Variants in FMN1 observed in about 807,000 individuals in gnomAD.
The protein encoded by FMN1 is formin-1.
FMN1 carries 110 observed loss-of-function variants against 132.4 expected under a neutral mutation model. The ratio of observed to expected loss-of-function variants is 0.83; its 90% confidence interval spans 0.71 to 0.97. The LOEUF (loss-of-function observed/expected upper bound fraction) is 0.97, where lower values mean the gene tolerates loss of function less well. Ranked by LOEUF, FMN1 falls within the 50% of genes least tolerant of loss-of-function variation. FMN1 has a pLI of 0.00. For missense variants in FMN1, 1,792 were observed against 1,705.3 expected (o/e 1.05, Z -0.90); for synonymous variants, 722 against 651.7 (o/e 1.11, Z -1.64).
chr15:33,043,318 C>T (rs1480056151), intron 6 of FMN1, among the ~76,000 whole-genome samples: 3 of 152,206 alleles, frequency 2.0e-5, no homozygotes, highest in Non-Finnish European at 4.4e-5. Context: ...GACTGTAGCC[C>T]ACACCTGTGC....
intron 12 of FMN1, among the ~76,000 whole-genome samples, chr15:32,906,481 T>C (rs78898133): frequency 0.012 from 1,848 of 152,326 alleles, 38 homozygotes; most frequent in African/African-American, 0.043. Flanking sequence ...ACTTGAATAT[T>C]TGTAACATCC....
chr15:33,070,592 C>G (rs555308357), intron 5 of FMN1, among the ~76,000 whole-genome samples: 2 of 152,188 alleles, frequency 1.3e-5, no homozygotes, highest in South Asian at 4.1e-4. Context: ...GATGCCAACA[C>G]AATTTCATGG....
At chr15:32,830,541 C>G (rs1469406201) in intron 17 of FMN1, among the ~76,000 whole-genome samples, 1 of 152,098 alleles carries the variant, frequency 6.6e-6, no homozygotes, top group Non-Finnish European at 1.5e-5. Context: ...CTTTTTTGGA[C>G]AGCTTCAACC....
At chr15:32,876,239 A>G (rs913026490) in intron 16 of FMN1, among the ~76,000 whole-genome samples, 1 of 152,156 alleles carries the variant, frequency 6.6e-6, no homozygotes, top group Admixed American at 6.5e-5. Context: ...AAATTATGTA[A>G]TTTAATGACT....
chr15:32,996,521 T>TA (rs2140886429), intron 7 of FMN1, among the ~76,000 whole-genome samples: 1 of 152,312 alleles, frequency 6.6e-6, no homozygotes, highest in South Asian at 2.1e-4. Context: ...CAAGGACCTT[T>TA]AAGATCTTCC....
chr15:33,126,638 T>TAACTTGCAAATCCTGGCAGCATGC (rs1963104787), intron 4 of FMN1, among the ~76,000 whole-genome samples: 1 of 151,688 alleles, frequency 6.6e-6, no homozygotes, highest in African/African-American at 2.4e-5. Flanking sequence ...GCGGAAGTGT[T>TAACTTGCAAATCCTGGCAGCATGC]AAGTTGCAAA....
At chr15:32,950,502 T>C (rs970309877) in intron 9 of FMN1, among the ~76,000 whole-genome samples, 3 of 152,202 alleles carry the variant, frequency 2.0e-5, no homozygotes, top group African/African-American at 7.2e-5. Flanking sequence ...TGGAATACCA[T>C]GCAGCCATAA....
intron 15 of FMN1, among the ~76,000 whole-genome samples, chr15:32,893,525 C>T (rs555444896): frequency 2.5e-4 from 38 of 152,216 alleles, no homozygotes; most frequent in Non-Finnish European, 4.4e-4. Flanking sequence ...AAGACTTGGA[C>T]CAAAAACCAG....
Position 33,144,991 on chromosome 15 carries a change from C to T in FMN1, c.1867+8057G>A, listed in dbSNP as rs113096806. On this transcript the variant is annotated intron_variant, in intron 4 of 20. Transcript: ENST00000616417. Reference sequence around the variant, plus strand: ...CTCAAAAAACCGCTATGAAATTTGACATAATTCCTTCCAGCAACTGCAATC... The same window carrying T: ...CTCAAAAAACCGCTATGAAATTTGATATAATTCCTTCCAGCAACTGCAATC... 2.2e-3 allele frequency among the ~76,000 whole-genome samples: 329 copies of T among 152,258 alleles called. 1 individual carries two copies. Among genetic ancestry groups the T allele is most frequent in the African/African-American group, 7.5e-3 (311 of 41,548 alleles).
At chr15:32,804,433 AATTCGGGGGGGG>A in intron 17 of FMN1, 101 bp from the exon 18 acceptor site, 4 of 40,970 alleles carry the variant, frequency 9.8e-5, no homozygotes, top group Non-Finnish European at 1.2e-4. Context: ...AGGAGGTCTG[AATTCGGGGGGGG>A]GGGGGGGGGG....
chr15:33,046,313 G>A (rs1426315906), intron 6 of FMN1, among the ~76,000 whole-genome samples: 1 of 152,088 alleles, frequency 6.6e-6, no homozygotes, highest in East Asian at 1.9e-4. Flanking sequence ...GCAATGTTCT[G>A]AATGAACAAT....
At chr15:33,074,639 C>T (rs1381365457) in intron 5 of FMN1, among the ~76,000 whole-genome samples, 1 of 152,138 alleles carries the variant, frequency 6.6e-6, no homozygotes, top group Non-Finnish European at 1.5e-5. Context: ...GCTGGGACAT[C>T]TTGTGAAGCT....
intron 11 of FMN1, among the ~76,000 whole-genome samples, chr15:32,908,779 G>T (rs976943679): frequency 6.6e-6 from 1 of 152,056 alleles, no homozygotes; most frequent in Non-Finnish European, 1.5e-5. Flanking sequence ...GGGGTGGGGG[G>T]ATGCAAGCCC....
chr15:32,904,141 G>A (rs191840026), intron 12 of FMN1, among the ~76,000 whole-genome samples: 7 of 152,214 alleles, frequency 4.6e-5, no homozygotes, highest in South Asian at 4.2e-4. Context: ...AATTACTGTG[G>A]AGTGTGAATG....
chr15:33,038,675 T>G (rs1156724025), intron 6 of FMN1, among the ~76,000 whole-genome samples: 2 of 152,218 alleles, frequency 1.3e-5, no homozygotes, highest in Non-Finnish European at 2.9e-5. Context: ...TAAAGAAGGC[T>G]TCCCAGATAA....
At chr15:33,041,923 TC>T (rs1471776871) in intron 6 of FMN1, among the ~76,000 whole-genome samples, 3 of 152,060 alleles carry the variant, frequency 2.0e-5, no homozygotes, top group Admixed American at 2.0e-4. Flanking sequence ...GTGTTTTTTT[TC>T]ACCACAGCTA....
intron 17 of FMN1, among the ~76,000 whole-genome samples, chr15:32,850,084 G>C (rs1209193321): frequency 6.6e-6 from 1 of 152,200 alleles, no homozygotes; most frequent in Non-Finnish European, 1.5e-5. Flanking sequence ...ATTTTCTTGA[G>C]TAGCAGTGGA....
At chr15:32,930,536 G>A (rs2061086581) in intron 9 of FMN1, among the ~76,000 whole-genome samples, 1 of 151,700 alleles carries the variant, frequency 6.6e-6, no homozygotes, top group South Asian at 2.1e-4. Context: ...TTGGCCATTT[G>A]TATACCTTTT....
At chr15:33,140,769 T>A (rs1025240596) in intron 4 of FMN1, among the ~76,000 whole-genome samples, 1 of 152,092 alleles carries the variant, frequency 6.6e-6, no homozygotes, top group Admixed American at 6.5e-5. Context: ...GGAAACAGCA[T>A]GTGCAAAGGC....
Sources: gnomAD v4.1 joint callset for allele counts (sites outside exome capture counted in the v4.1 genomes callset) on GRCh38, gnomAD v4.1.1 for gene constraint, MANE v1.5 for transcripts, NCBI Gene and HGNC (gene_info 2026-07-23, HGNC 2026-07-21) for gene names.